The following RYR2 variants were observed in gnomAD, a reference collection of about 807,000 sequenced individuals.
RYR2 encodes cardiac muscle ryanodine receptor-calcium release channel.
A neutral mutation model predicts 601.1 loss-of-function variants in RYR2; 227 were observed. The ratio of observed to expected loss-of-function variants is 0.38; its 90% CI spans 0.34 to 0.42. The LOEUF is 0.42. RYR2 is among the 10% of genes least tolerant of loss of function. The pLI, the probability that RYR2 is intolerant of heterozygous loss-of-function variation, is 1.00. For synonymous variants in RYR2, 2,223 were observed against 2,175.1 expected (o/e 1.02, Z -0.61); for missense variants, 4,646 against 6,156.5 (o/e 0.75, Z 8.21).
At chr1:237,347,314 A>G (rs1026795379) in intron 3 of RYR2, among the ~76,000 whole-genome samples, 2 of 152,184 alleles carry the variant, frequency 1.3e-5, no homozygotes, top group Non-Finnish European at 2.9e-5. Context: ...CCCCGTCTCA[A>G]AAACAAACAA....
Position 237,530,456 on chromosome 1 carries a change from G to A in RYR2, c.2852G>A (p.Gly951Asp). 6.2e-7 allele frequency: 1 copy of A among 1,609,308 alleles called. No individual in the cohort carries two copies. Among genetic ancestry groups the A allele is most frequent in the Non-Finnish European group, 8.5e-7 (1 of 1,177,764 alleles). The change falls in exon 25 of 105, where the codon GGT becomes GAT. Residue 951 changes from glycine to aspartate, a missense_variant. Coordinates refer to ENST00000366574, the MANE Select transcript of RYR2 (RefSeq NM_001035.3). The stretch of plus-strand genomic sequence containing the variant: ...TTGTTGGCATTAGGATGTCATGTGG[G>A]TATATCAGATGAACATGCTGAAGAC... ...KTLLALGCHV[G>D]ISDEHAEDKV...
intron 29 of RYR2, among the ~76,000 whole-genome samples, chr1:237,588,933 A>T (rs1674840503): frequency 6.6e-6 from 1 of 152,056 alleles, no homozygotes; most frequent in Non-Finnish European, 1.5e-5. Flanking sequence ...ATACCATCTC[A>T]TTGTCTTGCC....
At chr1:237,113,346 G>A (rs534462581) in intron 1 of RYR2, among the ~76,000 whole-genome samples, 2 of 151,914 alleles carry the variant, frequency 1.3e-5, no homozygotes, top group African/African-American at 4.8e-5. Context: ...TTACAGGTGT[G>A]CGCCACCATG....
chr1:237,381,775 G>T (rs1312122311), intron 8 of RYR2, among the ~76,000 whole-genome samples: 1 of 152,046 alleles, frequency 6.6e-6, no homozygotes, highest in South Asian at 2.1e-4. Flanking sequence ...TCAATTCTGA[G>T]GTATAAAGGG....
chr1:237,614,494 C>A lies in RYR2; in HGVS notation c.5366C>A (p.Ser1789Tyr). The change falls in exon 37 of 105, where the codon TCC becomes TAC. Residue 1789 changes from serine (S) to tyrosine (Y), a missense_variant. By Grantham distance (144) the Ser-to-Tyr change is moderately radical. Coordinates refer to ENST00000366574, the MANE Select transcript of RYR2 (RefSeq NM_001035.3). The surrounding 1 kb of genome is among the most constrained non-coding windows in gnomAD (Gnocchi z 4.3). ...GAGTTCCCACTGGACATCCTCAAGT[C>A]CAAAACCATACAGATGCTGACAGAA... is the stretch of plus-strand genomic sequence containing the variant. ...SPEFPLDILK[S>Y]KTIQMLTEAV... 1 of 1,614,024 alleles carries A rather than the reference C, an allele frequency of 6.2e-7. No homozygotes were observed. The highest frequency in any genetic ancestry group is 8.5e-7 in the Non-Finnish European group (1 of 1,179,890).
At chr1:237,551,530 C>A (rs373848463) in intron 27 of RYR2, among the ~76,000 whole-genome samples, 273 of 90,422 alleles carry the variant, frequency 3.0e-3, no homozygotes, top group African/African-American at 6.3e-3. Context: ...GACTCCGTCT[C>A]AAAAAAAAAA....
chr1:237,235,543 C>T (rs149537162), intron 1 of RYR2, among the ~76,000 whole-genome samples: 5 of 152,306 alleles, frequency 3.3e-5, no homozygotes, highest in African/African-American at 1.2e-4. Context: ...CTTCTGTCGT[C>T]ACTGGCAAGC....
intron 20 of RYR2, among the ~76,000 whole-genome samples, chr1:237,499,950 A>G (rs1664460557): frequency 6.6e-6 from 1 of 152,198 alleles, no homozygotes; most frequent in Non-Finnish European, 1.5e-5. Flanking sequence ...GGCTTAGACC[A>G]TAGGTTGGTC....
At chr1:237,753,259 G>A (rs1692683453) in intron 80 of RYR2, among the ~76,000 whole-genome samples, 2 of 152,160 alleles carry the variant, frequency 1.3e-5, no homozygotes, top group African/African-American at 2.4e-5. Context: ...CATCGATGAC[G>A]AGCAAGGGAC....
At chr1:237,443,793 G>A (rs946779729) in intron 13 of RYR2, among the ~76,000 whole-genome samples, 16 of 151,984 alleles carry the variant, frequency 1.1e-4, no homozygotes, top group African/African-American at 2.2e-4. Flanking sequence ...TGGGCTATAC[G>A]GAAACAGGTG....
intron 1 of RYR2, among the ~76,000 whole-genome samples, chr1:237,170,057 A>G (rs1677178700): frequency 6.6e-6 from 1 of 152,200 alleles, no homozygotes; most frequent in Admixed American, 6.5e-5. Flanking sequence ...ATTTTGGAAG[A>G]TGGAGGGATT....
At chr1:237,514,881 T>C (rs540851045) in intron 24 of RYR2, among the ~76,000 whole-genome samples, 1 of 152,202 alleles carries the variant, frequency 6.6e-6, no homozygotes, top group East Asian at 1.9e-4. Flanking sequence ...AGAGGGAGCA[T>C]AGTCTAGGTT....
chr1:237,763,771 A>G (rs948439061), intron 84 of RYR2, among the ~76,000 whole-genome samples: 1 of 152,236 alleles, frequency 6.6e-6, no homozygotes, highest in Non-Finnish European at 1.5e-5. Flanking sequence ...AGCTCTATTA[A>G]TATTACAGTA....
intron 1 of RYR2, among the ~76,000 whole-genome samples, chr1:237,058,164 G>A (rs1276417139): frequency 6.6e-6 from 1 of 152,136 alleles, no homozygotes; most frequent in Admixed American, 6.5e-5. Context: ...AGGTAATTAT[G>A]TATACTATTA....
At chr1:237,053,286 C>T (rs542087913) in intron 1 of RYR2, among the ~76,000 whole-genome samples, 17 of 152,290 alleles carry the variant, frequency 1.1e-4, no homozygotes, top group Admixed American at 3.3e-4. Context: ...TTCGACGAAA[C>T]GTCAGGAGAA....
In RYR2 at chr1:237,806,205, C is replaced by T. The variant is rs368971586; in HGVS notation, c.14220C>T (p.Ala4740=). ...GACACTATAACAACTTTTTTTTTGC[C>T]GCTCACCTTCTCGACATTGCTATGG... ...VLGHYNNFFF[A]AHLLDIAMGF... The change falls in exon 99 of 105, where the codon GCC becomes GCT. Residue 4740 remains alanine (A), a synonymous_variant. Coordinates refer to ENST00000366574, the MANE Select transcript of RYR2 (RefSeq NM_001035.3). 4.0e-5 allele frequency: 65 copies of T among 1,612,444 alleles called. No homozygotes were observed. In the African/African-American group the frequency reaches 6.3e-4, roughly 16 times the overall value.
rs1286072337 is a variant in RYR2 at position 237,191,327 on chromosome 1, T to A, written c.49-79170T>A. Among the ~76,000 whole-genome samples, 6 of 152,224 alleles carry A rather than the reference T, an allele frequency of 3.9e-5. No homozygotes were observed. The East Asian group carries it at 1.2e-3, about 29-fold the overall frequency. On this transcript the variant is annotated intron_variant, in intron 1 of 104. Transcript: ENST00000366574. ...ATTACTGTCATTTTGTAGTATGTTT[T>A]GAAATCAGGGAGTATGAGGCCTCAG...
chr1:237,106,731 G>C lies in RYR2; in HGVS notation c.48+64162G>C, dbSNP rs1177968757. Among the ~76,000 whole-genome samples the C allele has an allele frequency of 1.3e-5, 2 of 152,210 alleles. No individual in the cohort carries two copies. The highest frequency in any genetic ancestry group is 2.9e-5 in the Non-Finnish European group (2 of 68,032). On this transcript the variant is annotated intron_variant, in intron 1 of 104. Coordinates refer to ENST00000366574, the MANE Select transcript of RYR2 (RefSeq NM_001035.3). The surrounding 1 kb of genome is among the most constrained non-coding windows in gnomAD (Gnocchi z 4.4). The stretch of plus-strand genomic sequence containing the variant: ...ATAACAAAATGCCATGGACTGGGAG[G>C]CTTAGAAACCACAGAAATTATTCCT...
chr1:237,291,464 T>C (rs1166588819), intron 2 of RYR2, among the ~76,000 whole-genome samples: 1 of 152,160 alleles, frequency 6.6e-6, no homozygotes, highest in Non-Finnish European at 1.5e-5. Flanking sequence ...AAAGCTTATG[T>C]CCCCACAAAC....
Sources: gnomAD v4.1 joint callset for allele counts (sites outside exome capture counted in the v4.1 genomes callset) on GRCh38, gnomAD v4.1.1 for gene constraint, Gnocchi (gnomAD v3.1) non-coding constraint, MANE v1.5 for transcripts, NCBI Gene and HGNC (gene_info 2026-07-23, HGNC 2026-07-21) for gene names.